Variants in CSMD2 observed in about 807,000 individuals in gnomAD.
CSMD2 encodes the protein CUB and Sushi multiple domains 2, also known as CUB and sushi domain-containing protein 2.
CSMD2 carries 130 observed loss-of-function variants against 398.5 expected under a neutral mutation model. The observed-to-expected ratio is 0.33, with a 90% CI of 0.28 to 0.38. The LOEUF (loss-of-function observed/expected upper bound fraction) is 0.38. Among genes scored for constraint, CSMD2 ranks in the 10% least tolerant of loss-of-function variants. The pLI is 1.00. For synonymous variants in CSMD2, 1,828 were observed against 1,908.5 expected (o/e 0.96, Z 1.10); for missense variants, 3,829 against 4,764.9 (o/e 0.80, Z 5.78).
intron 2 of CSMD2, among the ~76,000 whole-genome samples, chr1:34,051,682 G>T (rs2148225292): frequency 6.6e-6 from 1 of 152,226 alleles, no homozygotes; most frequent in Non-Finnish European, 1.5e-5. Context: ...TCTGGTGAGG[G>T]GTTAATGCAG....
chr1:33,649,404 G>A (rs1380454196), intron 28 of CSMD2, among the ~76,000 whole-genome samples: 1 of 152,196 alleles, frequency 6.6e-6, no homozygotes, highest in Non-Finnish European at 1.5e-5. Flanking sequence ...AGCACTTTGG[G>A]AGGCCAAGGT....
chr1:34,020,580 G>A (rs1461098385), intron 3 of CSMD2, among the ~76,000 whole-genome samples: 1 of 152,102 alleles, frequency 6.6e-6, no homozygotes, highest in Non-Finnish European at 1.5e-5. Flanking sequence ...AGGCGAGTGG[G>A]GCAGGCCTGG....
intron 2 of CSMD2, among the ~76,000 whole-genome samples, chr1:34,036,231 C>A (rs1651110289): frequency 6.6e-6 from 1 of 152,112 alleles, no homozygotes; most frequent in Non-Finnish European, 1.5e-5. Flanking sequence ...CAGCTTTATT[C>A]CTAATAGCCC....
intron 4 of CSMD2, among the ~76,000 whole-genome samples, chr1:33,934,532 G>A (rs923826022): frequency 2.6e-5 from 4 of 152,140 alleles, no homozygotes; most frequent in African/African-American, 9.7e-5. Flanking sequence ...TTCAAAGGTG[G>A]TTAAAAATTG....
intron 36 of CSMD2, 32 bp from the exon 37 acceptor site, chr1:33,622,303 AGTTTGGCTCC>A (rs1357632833): frequency 4.5e-6 from 7 of 1,547,490 alleles, no homozygotes; most frequent in Non-Finnish European, 5.4e-6. Context: ...AAACCATTTA[AGTTTGGCTCC>A]TCCAGGCCCT....
At chr1:33,903,308 C>T (rs1642873286) in intron 5 of CSMD2, among the ~76,000 whole-genome samples, 2 of 151,044 alleles carry the variant, frequency 1.3e-5, no homozygotes, top group African/African-American at 2.4e-5. Context: ...AATCAAACCT[C>T]TCCAGTTCTG....
At chr1:33,947,403 C>T (rs539329883) in intron 3 of CSMD2, among the ~76,000 whole-genome samples, 2 of 152,098 alleles carry the variant, frequency 1.3e-5, no homozygotes, top group Non-Finnish European at 2.9e-5. Flanking sequence ...TAATGATGTC[C>T]CACACATCAA....
intron 1 of CSMD2, among the ~76,000 whole-genome samples, chr1:34,136,139 G>A (rs1350857871): frequency 6.6e-6 from 1 of 152,220 alleles, no homozygotes; most frequent in Non-Finnish European, 1.5e-5. Flanking sequence ...GAAACTCAGA[G>A]ATCTGGTCTA....
chr1:33,676,257 A>G (rs368428721), intron 25 of CSMD2, among the ~76,000 whole-genome samples: 3 of 152,250 alleles, frequency 2.0e-5, no homozygotes, highest in Admixed American at 6.5e-5. Flanking sequence ...CAACTTCAGC[A>G]AAGTCTCAGG....
In CSMD2 at chr1:33,836,564, G is replaced by T. The variant is rs190914044; in HGVS notation, c.1033+10320C>A. On this transcript the variant is annotated intron_variant, in intron 6 of 70. Transcript: ENST00000373381. Reference sequence around the variant, plus strand: ...TACCTACTCAAGCCTCAGCAATGGTGGGCACCCCTCCCCTAGCCTCGCTGC... The same window carrying T: ...TACCTACTCAAGCCTCAGCAATGGTTGGCACCCCTCCCCTAGCCTCGCTGC... 1.6e-4 allele frequency among the ~76,000 whole-genome samples: 25 copies of T among 152,276 alleles called. No homozygotes were observed. The South Asian group carries it at 3.9e-3, about 24-fold the overall frequency.
At chr1:33,758,751 T>G (rs749752458) in intron 13 of CSMD2, among the ~76,000 whole-genome samples, 2 of 152,230 alleles carry the variant, frequency 1.3e-5, no homozygotes, top group Non-Finnish European at 2.9e-5. Context: ...TCTTGCAATT[T>G]ACTTTAGCCC....
chr1:33,857,486 A>T (rs2125104467), intron 5 of CSMD2, among the ~76,000 whole-genome samples: 1 of 152,126 alleles, frequency 6.6e-6, no homozygotes, highest in Non-Finnish European at 1.5e-5. Context: ...CTCAGATGCT[A>T]CAAAGGCCCT....
At chr1:33,843,092 C>T (rs1661016498) in intron 6 of CSMD2, among the ~76,000 whole-genome samples, 1 of 152,242 alleles carries the variant, frequency 6.6e-6, no homozygotes, top group African/African-American at 2.4e-5. Context: ...CAGCTCTTAT[C>T]ATGCTGTACA....
intron 10 of CSMD2, among the ~76,000 whole-genome samples, chr1:33,810,194 GA>G (rs1404902792): frequency 6.6e-6 from 1 of 151,838 alleles, no homozygotes. Flanking sequence ...GGGCACAGGA[GA>G]AAAAAACTCA....
chr1:33,947,767 T>A (rs1026222294), intron 3 of CSMD2, among the ~76,000 whole-genome samples: 1 of 152,198 alleles, frequency 6.6e-6, no homozygotes, highest in African/African-American at 2.4e-5. Flanking sequence ...TCCTCCTCAC[T>A]TCCTCCTTCA....
chr1:33,661,299 C>T (rs749714730), intron 26 of CSMD2, among the ~76,000 whole-genome samples: 12 of 152,132 alleles, frequency 7.9e-5, no homozygotes, highest in African/African-American at 2.2e-4. Flanking sequence ...TGGATCGAGC[C>T]GTCTCTTTAG....
intron 12 of CSMD2, among the ~76,000 whole-genome samples, chr1:33,778,225 T>G (rs1569879932): frequency 2.0e-5 from 3 of 152,222 alleles, no homozygotes; most frequent in African/African-American, 7.2e-5. Flanking sequence ...AGACAGGGTC[T>G]TGCTCTGTTG....
At chr1:33,671,295 A>C (rs962100631) in intron 25 of CSMD2, among the ~76,000 whole-genome samples, 2 of 152,094 alleles carry the variant, frequency 1.3e-5, no homozygotes, top group African/African-American at 4.8e-5. Context: ...CATCATCCTA[A>C]GTCTGGTATC....
intron 1 of CSMD2, among the ~76,000 whole-genome samples, chr1:34,102,655 A>ATCCGG (rs1558390646): frequency 0.032 from 2,426 of 75,098 alleles, 223 homozygotes; most frequent in African/African-American, 0.1. Context: ...CTGTAATCCA[A>ATCCGG]CCATATCCCT....
Sources: gnomAD v4.1 joint callset for allele counts (sites outside exome capture counted in the v4.1 genomes callset) on GRCh38, gnomAD v4.1.1 for gene constraint, MANE v1.5 for transcripts, NCBI Gene and HGNC (gene_info 2026-07-23, HGNC 2026-07-21) for gene names.